PPM1H: variants seen among roughly 807,000 people sequenced by gnomAD.
PPM1H encodes the protein protein phosphatase 1H.
In PPM1H, 27 loss-of-function variants were observed where a neutral mutation model predicts 54.9. That is an observed-to-expected ratio of 0.49 (90% CI 0.36 to 0.68). The LOEUF is 0.68. Ranked by LOEUF, PPM1H falls within the 30% of genes least tolerant of loss-of-function variation. PPM1H has a pLI of 0.00. For synonymous variants in PPM1H, 305 were observed against 270.8 expected (o/e 1.13, Z -1.24); for missense variants, 596 against 667.8 (o/e 0.89, Z 1.19).
chr12:62,914,014 A>G (rs1592668585), intron 1 of PPM1H, among the ~76,000 whole-genome samples: 1 of 152,112 alleles, frequency 6.6e-6, no homozygotes, highest in African/African-American at 2.4e-5. Context: ...ATACATTTCT[A>G]TAAGGAAGGA....
chr12:62,676,427 G>A (rs766940081), intron 8 of PPM1H, among the ~76,000 whole-genome samples: 1 of 152,284 alleles, frequency 6.6e-6, no homozygotes, highest in South Asian at 2.1e-4. Context: ...AAGTTGGTGG[G>A]ACAGGAGCCC....
At chr12:62,731,853 T>C (rs2076322804) in intron 5 of PPM1H, among the ~76,000 whole-genome samples, 1 of 152,174 alleles carries the variant, frequency 6.6e-6, no homozygotes, top group African/African-American at 2.4e-5. Context: ...GGGCTATGGA[T>C]GTCTCCTGAG....
chr12:62,889,559 T>C (rs1870711259), intron 1 of PPM1H, among the ~76,000 whole-genome samples: 1 of 152,086 alleles, frequency 6.6e-6, no homozygotes, highest in Non-Finnish European at 1.5e-5. Flanking sequence ...ACGTCTAGTG[T>C]TGGCAAATGA....
chr12:62,865,028 A>G (rs925063344), intron 1 of PPM1H, among the ~76,000 whole-genome samples: 3 of 152,212 alleles, frequency 2.0e-5, no homozygotes, highest in Admixed American at 6.5e-5. Context: ...CATTAGGGCC[A>G]AATGAATTCT....
At chr12:62,921,180 C>T (rs190611431) in intron 1 of PPM1H, among the ~76,000 whole-genome samples, 9 of 152,118 alleles carry the variant, frequency 5.9e-5, no homozygotes, top group Non-Finnish European at 1.2e-4. Context: ...CCGCCCGCCT[C>T]GGCCTCCCAA....
chr12:62,756,230 G>C, intron 4 of PPM1H: 1 of 808,274 alleles, frequency 1.2e-6, no homozygotes, highest in South Asian at 1.3e-5. Context: ...CTTCCAAGGA[G>C]TAAGACCCCT....
At chr12:62,768,067 T>C (rs2076554790) in intron 4 of PPM1H, among the ~76,000 whole-genome samples, 1 of 152,174 alleles carries the variant, frequency 6.6e-6, no homozygotes, top group Non-Finnish European at 1.5e-5. Context: ...ACATAACTTT[T>C]TGAGGGAACA....
chr12:62,733,400 G>A (rs544950877), intron 5 of PPM1H, among the ~76,000 whole-genome samples: 26 of 152,156 alleles, frequency 1.7e-4, no homozygotes, highest in South Asian at 8.3e-4. Context: ...GATTAGAGGC[G>A]CGTGCCACCA....
Position 62,648,215 on chromosome 12 carries a change from A to G in PPM1H, c.*274T>C. On this transcript the variant is annotated 3_prime_UTR_variant, in exon 10 of 10. Transcript: ENST00000228705. ...TATGACATATATACCCCAAATAGTCAATGGCCACCTCGGAGGCCTATGAAA... is the reference window on the plus strand; with the variant it reads ...TATGACATATATACCCCAAATAGTCGATGGCCACCTCGGAGGCCTATGAAA... 2.7e-6 allele frequency: 1 copy of G among 367,738 alleles called. No homozygotes were observed. The highest frequency in any genetic ancestry group is 5.1e-6 in the Non-Finnish European group (1 of 196,592). 22.8% of individuals were successfully genotyped at this position (367,738 alleles called of 1,614,324 possible). A position where few individuals can be genotyped will look rare whatever the true frequency, so the allele number is the denominator to read the frequency against.
At chr12:62,710,534 C>CT (rs1438315411) in intron 6 of PPM1H, among the ~76,000 whole-genome samples, 2 of 107,150 alleles carry the variant, frequency 1.9e-5, no homozygotes, top group Non-Finnish European at 3.4e-5. Context: ...GAGACTGTCT[C>CT]TTTAAAAAAA....
intron 4 of PPM1H, among the ~76,000 whole-genome samples, chr12:62,784,222 A>AC (rs1323636619): frequency 6.6e-6 from 1 of 152,174 alleles, no homozygotes; most frequent in African/African-American, 2.4e-5. Flanking sequence ...CACGGACCAG[A>AC]CCACATGGAT....
intron 4 of PPM1H, among the ~76,000 whole-genome samples, chr12:62,781,802 TAC>T (rs1414417230): frequency 6.6e-6 from 1 of 152,302 alleles, no homozygotes; most frequent in Non-Finnish European, 1.5e-5. Flanking sequence ...ATGGGAAAAG[TAC>T]AGACTGTTTT....
At chr12:62,698,780 G>A (rs994403983) in intron 6 of PPM1H, among the ~76,000 whole-genome samples, 1 of 150,934 alleles carries the variant, frequency 6.6e-6, no homozygotes, top group Non-Finnish European at 1.5e-5. Context: ...CAAGAAAAAA[G>A]ACCTGAGAAT....
chr12:62,781,072 A>G (rs2076639310), intron 4 of PPM1H, among the ~76,000 whole-genome samples: 1 of 152,216 alleles, frequency 6.6e-6, no homozygotes, highest in African/African-American at 2.4e-5. Flanking sequence ...GGGGCCCAAC[A>G]ATGACAGACG....
At chr12:62,726,702 T>A (rs562543183) in intron 5 of PPM1H, among the ~76,000 whole-genome samples, 1 of 152,268 alleles carries the variant, frequency 6.6e-6, no homozygotes, top group East Asian at 1.9e-4. Context: ...ACTTGGTGAT[T>A]TGGAAACTTC....
intron 1 of PPM1H, among the ~76,000 whole-genome samples, chr12:62,920,746 A>G (rs1365937585): frequency 2.6e-5 from 4 of 152,008 alleles, no homozygotes; most frequent in African/African-American, 9.7e-5. Context: ...TGTACCTTAC[A>G]ATTTGCTTCC....
chr12:62,790,808 G>A (rs949898838), intron 3 of PPM1H, among the ~76,000 whole-genome samples: 1 of 152,184 alleles, frequency 6.6e-6, no homozygotes, highest in African/African-American at 2.4e-5. Context: ...GAAGCATCAA[G>A]CATGGGGCAA....
chr12:62,665,180 T>C (rs555101911), intron 9 of PPM1H, among the ~76,000 whole-genome samples: 28 of 152,270 alleles, frequency 1.8e-4, no homozygotes, highest in African/African-American at 6.3e-4. Context: ...CTTGAGTAGC[T>C]GGAATTACAC....
chr12:62,663,992 CAAAAAA>C (rs66772973), intron 9 of PPM1H, among the ~76,000 whole-genome samples: 1 of 139,858 alleles, frequency 7.2e-6, no homozygotes, highest in African/African-American at 2.7e-5. Context: ...AACTCCATCT[CAAAAAA>C]AAAAAAAAAA....
Sources: allele counts gnomAD v4.1 joint callset (sites outside exome capture counted in the v4.1 genomes callset), GRCh38; gene constraint gnomAD v4.1.1; transcripts MANE v1.5; gene names NCBI Gene and HGNC (gene_info 2026-07-23, HGNC 2026-07-21).